Variants in RPL15 observed in about 807,000 individuals in gnomAD.
RPL15 encodes the protein large ribosomal subunit protein eL15.
For synonymous variants in RPL15, 97 were observed against 95.1 expected (o/e 1.02, Z -0.12); for missense variants, 161 against 271.8 (o/e 0.59, Z 2.87).
intron 2 of RPL15, 154 bp from the exon 3 acceptor site, chr3:23,918,286 A>G: frequency 3.1e-6 from 3 of 980,280 alleles, no homozygotes; most frequent in East Asian, 5.3e-5. Flanking sequence ...CCTAAGGTGC[A>G]TTGAAAAAGA....
At chr3:23,918,160 A>G (rs1365899645) in intron 2 of RPL15, 129 bp downstream of exon 2, 24 of 1,195,558 alleles carry the variant, frequency 2.0e-5, no homozygotes, top group Non-Finnish European at 2.7e-5. Flanking sequence ...AAAGCTAGCA[A>G]CACTGGTCAG....
downstream of RPL15, chr3:23,921,861 C>CA (rs1415563820): frequency 4.0e-6 from 2 of 495,570 alleles, no homozygotes; most frequent in Admixed American, 7.6e-5. Flanking sequence ...AGGCGTGAGC[C>CA]ACCACCCCCA....
rs1198474970 is a variant in RPL15, at chr3:23,919,332, A to G, written c.446A>G (p.Gln149Arg). ...HKAIRRNPDT[Q>R]WITKPVHKHR... ...GCTATCAGAAGAAATCCTGACACCC[A>G]GTGGATCACCAAACCAGTCCACAAG... The change falls in exon 4 of 4, where the codon CAG becomes CGG. Residue 149 changes from glutamine to arginine, a missense_variant. Physicochemically the swap from Gln to Arg is conservative, Grantham distance 43 (BLOSUM62 1). Coordinates refer to ENST00000307839, the MANE Select transcript of RPL15 (RefSeq NM_002948.5). 6 of 1,602,932 alleles carry G rather than the reference A, an allele frequency of 3.7e-6. No individual in the cohort carries two copies. Among genetic ancestry groups the G allele is most frequent in the Admixed American group, 3.3e-5 (2 of 59,992 alleles).
upstream of RPL15, chr3:23,916,808 A>G (rs1381550871): frequency 1.3e-5 from 2 of 152,762 alleles, no homozygotes; most frequent in South Asian, 2.1e-4. Context: ...GACCTCAAAG[A>G]CAGCGGCTCC....
At position 23,919,497 on chromosome 3, in the gene RPL15, G is replaced by C; in HGVS notation, c.611G>C (p.Arg204Pro). Residue 204 changes from arginine to proline, a missense_variant, in exon 4 of 4, where the codon CGC becomes CCC. Physicochemically the swap from Arg to Pro is moderately radical, Grantham distance 103. Coordinates refer to ENST00000307839, the MANE Select transcript of RPL15 (RefSeq NM_002948.5). ...AATACTCTCCAGCTCCACCGTTACC[G>C]CTAATATAAGTAAAGTTTGTAAAAT... is the stretch of plus-strand genomic sequence containing the variant. ...RRNTLQLHRY[R>P] is the part of the protein sequence containing the mutation. 1 of 1,561,740 alleles carries C rather than the reference G, an allele frequency of 6.4e-7. No homozygotes were observed. Among genetic ancestry groups the C allele is most frequent in the Non-Finnish European group, 8.6e-7 (1 of 1,159,486 alleles).
intron 3 of RPL15, 168 bp from the exon 4 acceptor site, chr3:23,919,028 A>G (rs1575120650): frequency 1.3e-5 from 8 of 615,094 alleles, no homozygotes; most frequent in East Asian, 5.5e-5. Flanking sequence ...GCAAGTCTAC[A>G]TTATCTCATT....
rs149580756 is a variant in RPL15 at position 23,919,052 on chromosome 3, T to G, written c.310-144T>G. 1,849 of 632,124 alleles carry G rather than the reference T, an allele frequency of 2.9e-3. 6 individuals are homozygous for G. The highest frequency in any genetic ancestry group is 4.2e-3 in the Non-Finnish European group (1,500 of 357,394). 39.2% of individuals were successfully genotyped at this position (632,124 alleles called of 1,614,324 possible). ...CATTATCTCATTACACTTGTGATAGTCTAGGGAGAAATGCTTAGTAAATAA... is the reference window on the plus strand; with the variant it reads ...CATTATCTCATTACACTTGTGATAGGCTAGGGAGAAATGCTTAGTAAATAA... On this transcript the variant is annotated intron_variant, in intron 3 of 3. Transcript: ENST00000307839.
chr3:23,919,760 A>G lies in RPL15; in HGVS notation c.*259A>G. ...TGTATAAAACATACTGTGTGGTATA[A>G]CAGGCTTAATAAATTCTTTAAAAGG... On this transcript the variant is annotated 3_prime_UTR_variant, in exon 4 of 4. Coordinates refer to ENST00000307839, the MANE Select transcript of RPL15 (RefSeq NM_002948.5). The G allele has an allele frequency of 8.4e-7, 1 of 1,194,136 alleles. No homozygotes were observed. Among genetic ancestry groups the G allele is most frequent in the Non-Finnish European group, 1.0e-6 (1 of 962,656 alleles). The allele number at this position is 1,194,136 out of a possible 1,614,324, so 74.0% of individuals were successfully genotyped here. A position where few individuals can be genotyped will look rare whatever the true frequency, so the allele number is the denominator to read the frequency against.
rs574999516 is a variant in RPL15 at position 23,919,917 on chromosome 3, C to G, written c.*416C>G. ...TTTTTTTTAGTTTGGCAGGTGTAGACTTTTTAAGTTGGGCTTTAGAAAATC... is the reference window on the plus strand; with the variant it reads ...TTTTTTTTAGTTTGGCAGGTGTAGAGTTTTTAAGTTGGGCTTTAGAAAATC... On this transcript the variant is annotated 3_prime_UTR_variant, in exon 4 of 4. Transcript: ENST00000307839. 2.0e-6 allele frequency: 2 copies of G among 990,388 alleles called. No homozygotes were observed. The highest frequency in any genetic ancestry group is 1.7e-5 in the African/African-American group (1 of 57,304). 61.4% of individuals were successfully genotyped at this position (990,388 alleles called of 1,614,324 possible). A position where few individuals can be genotyped will look rare whatever the true frequency, so the allele number is the denominator to read the frequency against.
At position 23,919,232 on chromosome 3, in the gene RPL15, C is replaced by G; in HGVS notation, c.346C>G (p.Leu116Val). 6.2e-7 allele frequency: 1 copy of G among 1,613,822 alleles called. No homozygotes were observed. Among genetic ancestry groups the G allele is most frequent in the South Asian group, 1.1e-5 (1 of 91,080 alleles). ...AGRHCGALRV[L>V]NSYWVGEDST... is the part of the protein sequence containing the mutation. ...ACGCCACTGTGGGGCTCTGAGAGTC[C>G]TGAATTCTTACTGGGTTGGTGAAGA... The change falls in exon 4 of 4, where the codon CTG becomes GTG. Residue 116 changes from leucine (L) to valine (V), a missense_variant. By Grantham distance (32) the Leu-to-Val change is conservative. Coordinates refer to ENST00000307839, the MANE Select transcript of RPL15 (RefSeq NM_002948.5).
chr3:23,920,098 A>C lies in RPL15; in HGVS notation c.*597A>C. 1.0e-6 allele frequency: 1 copy of C among 985,902 alleles called. No individual in the cohort carries two copies. Among genetic ancestry groups the C allele is most frequent in the Non-Finnish European group, 1.2e-6 (1 of 829,956 alleles). 61.1% of individuals were successfully genotyped at this position (985,902 alleles called of 1,614,324 possible). ...GTGTTTTGAAGTTGAATGTGCGATA[A>C]AATTATTAGCCTTAAGATTGGTAAG... On this transcript the variant is annotated 3_prime_UTR_variant, in exon 4 of 4. Coordinates refer to ENST00000307839, the MANE Select transcript of RPL15 (RefSeq NM_002948.5).
rs762996683 is a variant in RPL15, at chr3:23,918,421, C to T, written c.173-19C>T. On this transcript the variant is annotated intron_variant, in intron 2 of 3. Transcript: ENST00000307839. ...CGGCTTCCTATAAAATCACTAATTTCGTGTGTGTTTGTGTGTAGGTTACGT... is the reference window on the plus strand; with the variant it reads ...CGGCTTCCTATAAAATCACTAATTTTGTGTGTGTTTGTGTGTAGGTTACGT... 140 of 1,608,100 alleles carry T rather than the reference C, an allele frequency of 8.7e-5. 1 individual carries two copies. The highest frequency in any genetic ancestry group is 1.1e-4 in the Non-Finnish European group (129 of 1,178,238).
intron 3 of RPL15, 120 bp from the exon 4 acceptor site, chr3:23,919,076 A>G (rs1704905674): frequency 7.3e-6 from 5 of 681,710 alleles, no homozygotes; most frequent in Non-Finnish European, 1.3e-5. Context: ...CTTAGTAAAT[A>G]ACTTGAGTAG....
chr3:23,918,252 C>A, intron 2 of RPL15, 188 bp from the exon 3 acceptor site: 1 of 895,718 alleles, frequency 1.1e-6, no homozygotes, highest in African/African-American at 1.7e-5. Context: ...GCAAAATAAA[C>A]AGTGTGCCTC....
chr3:23,921,906 A>G (rs760555611), downstream of RPL15: 22 of 385,614 alleles, frequency 5.7e-5, no homozygotes, highest in Non-Finnish European at 7.4e-5. Context: ...ACAGGATCTC[A>G]CTATGTTGCC....
intron 1 of RPL15, 34 bp from the exon 2 acceptor site, chr3:23,917,816 C>G: frequency 6.4e-7 from 1 of 1,566,108 alleles, no homozygotes; most frequent in South Asian, 1.2e-5. Context: ...GTACTTAAAG[C>G]GGATGATATT....
At chr3:23,921,151 C>T (rs1471415419), downstream of RPL15, among the ~76,000 whole-genome samples, 1 of 152,170 alleles carries the variant, frequency 6.6e-6, no homozygotes, top group Non-Finnish European at 1.5e-5. Context: ...AATCCTTAAA[C>T]ATGACTAATT....
chr3:23,921,736 A>T, downstream of RPL15: 1 of 619,220 alleles, frequency 1.6e-6, no homozygotes. Flanking sequence ...TGCCATGCCC[A>T]GCTAAGTTTT....
rs867732845 is a variant in RPL15 at position 23,920,281 on chromosome 3, G to A, written c.*780G>A. 5.1e-6 allele frequency: 5 copies of A among 985,628 alleles called. No individual in the cohort carries two copies. Among genetic ancestry groups the A allele is most frequent in the Non-Finnish European group, 6.0e-6 (5 of 829,872 alleles). The allele number at this position is 985,628 out of a possible 1,614,324, so 61.1% of individuals were successfully genotyped here. A position where few individuals can be genotyped will look rare whatever the true frequency, so the allele number is the denominator to read the frequency against. ...AGTCACATTAGGGGGAAAGTAGTTG[G>A]CTATAAGTACGTCATTCTTAGTCCA... On this transcript the variant is annotated 3_prime_UTR_variant, in exon 4 of 4. Coordinates refer to ENST00000307839, the MANE Select transcript of RPL15 (RefSeq NM_002948.5).
Sources: allele counts gnomAD v4.1 joint callset (sites outside exome capture counted in the v4.1 genomes callset), GRCh38; gene constraint gnomAD v4.1.1; transcripts MANE v1.5; gene names NCBI Gene and HGNC (gene_info 2026-07-23, HGNC 2026-07-21).